The following PCSK6 variants were observed in gnomAD, a reference collection of about 807,000 sequenced individuals.
PCSK6 encodes paired basic amino acid cleaving enzyme 4.
Under a neutral mutation model 123.3 loss-of-function variants are expected in PCSK6, and 85 were observed. The observed-to-expected ratio is 0.69, with a 90% confidence interval of 0.58 to 0.83. The LOEUF (loss-of-function observed/expected upper bound fraction) is 0.83. Ranked by LOEUF, PCSK6 falls within the 40% of genes least tolerant of loss-of-function variation. The pLI, the probability that PCSK6 is intolerant of heterozygous loss-of-function variation, is 0.00. For synonymous variants in PCSK6, 508 were observed against 516.0 expected (o/e 0.98, Z 0.21); for missense variants, 1,191 against 1,282.3 (o/e 0.93, Z 1.09).
intron 6 of PCSK6, among the ~76,000 whole-genome samples, chr15:101,411,485 C>G (rs993005019): frequency 2.0e-5 from 3 of 152,144 alleles, no homozygotes; most frequent in Admixed American, 6.5e-5. Flanking sequence ...TGCCGTCAGA[C>G]CAGACAACCA....
chr15:101,312,602 G>A (rs1024519474), intron 20 of PCSK6, among the ~76,000 whole-genome samples: 1 of 152,186 alleles, frequency 6.6e-6, no homozygotes, highest in African/African-American at 2.4e-5. Flanking sequence ...AGGCTGAGGT[G>A]GGTGGATCAC....
intron 6 of PCSK6, among the ~76,000 whole-genome samples, chr15:101,420,426 T>C (rs28623507): frequency 0.015 from 2,221 of 152,228 alleles, 49 homozygotes; most frequent in African/African-American, 0.05. Context: ...AATGACGCAA[T>C]CATGGCTCAC....
intron 6 of PCSK6, among the ~76,000 whole-genome samples, chr15:101,418,603 C>T (rs1040937248): frequency 6.6e-6 from 1 of 151,140 alleles, no homozygotes; most frequent in Non-Finnish European, 1.5e-5. Context: ...GCCTTTGTCT[C>T]CCAGGTTCAA....
rs75359093 is a variant in PCSK6, at chr15:101,472,895, T to C, written c.297+16479A>G. ...ATCAAAAGAGAAAGTGGAAAGATCC[T>C]CTGGTTAGGTTTGAGAGCTGCCCTT... On this transcript the variant is annotated intron_variant, in intron 1 of 21. Transcript: ENST00000611716. Among the ~76,000 whole-genome samples the C allele has an allele frequency of 2.7e-3, 418 of 152,286 alleles. 1 individual carries two copies. Among genetic ancestry groups the C allele is most frequent in the African/African-American group, 9.5e-3 (394 of 41,554 alleles).
In PCSK6 at chr15:101,439,730, A is replaced by G. The variant is rs142757076; in HGVS notation, c.402+3826T>C. ...AACATTGCATCACTGCTGGAAGGAA[A>G]CCCGAGCTTTGATTAAACTCCGGGG... On this transcript the variant is annotated intron_variant, in intron 2 of 21. Coordinates refer to ENST00000611716, the MANE Select transcript of PCSK6 (RefSeq NM_002570.5). Among the ~76,000 whole-genome samples the G allele has an allele frequency of 1.4e-4, 22 of 152,374 alleles. 1 individual carries two copies. In the East Asian group the frequency reaches 4.2e-3, roughly 29 times the overall value.
In PCSK6 at chr15:101,383,932, G is replaced by T. The variant is rs186011662; in HGVS notation, c.1414+390C>A. On this transcript the variant is annotated intron_variant, in intron 10 of 21. Transcript: ENST00000611716. ...TTTTTTTTTTAAGAGATGGAGTCCT[G>T]CTGTGTTGTCCAGGCTAGACTCAAA... The T allele has an allele frequency of 3.2e-3, 557 of 173,880 alleles. 1 individual carries two copies. Among genetic ancestry groups the T allele is most frequent in the Admixed American group, 6.8e-3 (104 of 15,314 alleles). The allele number at this position is 173,880 out of a possible 1,614,324, so 10.8% of individuals were successfully genotyped here.
chr15:101,337,542 T>C (rs2040509208), intron 13 of PCSK6: 1 of 152,234 alleles, frequency 6.6e-6, no homozygotes, highest in Non-Finnish European at 1.5e-5. Context: ...TTTGGCATAT[T>C]TCCTCCTGGG....
chr15:101,450,496 T>C (rs1240597992), intron 1 of PCSK6, among the ~76,000 whole-genome samples: 1 of 152,142 alleles, frequency 6.6e-6, no homozygotes, highest in African/African-American at 2.4e-5. Context: ...ACACCCTTTG[T>C]CCTCCCTCCC....
chr15:101,390,505 G>C (rs2042202446), intron 8 of PCSK6, among the ~76,000 whole-genome samples: 1 of 152,212 alleles, frequency 6.6e-6, no homozygotes, highest in East Asian at 1.9e-4. Context: ...GGAAGAGGAA[G>C]GCAGCAAGGC....
In PCSK6 at chr15:101,443,589, T is replaced by C. The variant is rs1330121610; in HGVS notation, c.369A>G (p.Arg123=). 1 of 1,613,920 alleles carries C rather than the reference T, an allele frequency of 6.2e-7. No individual in the cohort carries two copies. The highest frequency in any genetic ancestry group is 8.5e-7 in the Non-Finnish European group (1 of 1,179,798). The change falls in exon 2 of 22, where the codon AGA becomes AGG. Residue 123 remains arginine (R), a synonymous_variant. Transcript: ENST00000611716. The part of the protein sequence containing the change: ...KTFKRSTLSS[R]GPHTFLRMDP... ...CCATTCTGAGGAAGGTGTGAGGGCCTCTGCTACTCAAGGTTGATCTTTTAA... is the reference window on the plus strand; with the variant it reads ...CCATTCTGAGGAAGGTGTGAGGGCCCCTGCTACTCAAGGTTGATCTTTTAA...
In PCSK6 at chr15:101,398,586, C is replaced by A. The variant is rs759039949; in HGVS notation, c.824-10G>T. ...TCCAGCATGCGGATGCCTGAAAGCA[C>A]AGAGGAGGCTCGGTGTCGGCGCCCA... On this transcript the variant is annotated splice_polypyrimidine_tract_variant and intron_variant, in intron 6 of 21. Transcript: ENST00000611716. This position sits in a 1 kb window ranked among gnomAD's most constrained non-coding sequence, Gnocchi z 4.6. The A allele has an allele frequency of 2.1e-5, 33 of 1,605,130 alleles. No individual in the cohort carries two copies. The highest frequency in any genetic ancestry group is 2.7e-5 in the Non-Finnish European group (32 of 1,174,538).
intron 17 of PCSK6, among the ~76,000 whole-genome samples, chr15:101,324,311 G>A (rs372693811): frequency 6.6e-6 from 1 of 152,188 alleles, no homozygotes; most frequent in African/African-American, 2.4e-5. Flanking sequence ...CAAACCTTCC[G>A]CCCACATCTG....
chr15:101,337,709 C>T (rs756545194), intron 13 of PCSK6, among the ~76,000 whole-genome samples: 18 of 152,186 alleles, frequency 1.2e-4, no homozygotes, highest in Non-Finnish European at 2.4e-4. Context: ...AGAGGCATCA[C>T]GGGGGCAGGG....
chr15:101,458,010 G>A (rs372139550), intron 1 of PCSK6, among the ~76,000 whole-genome samples: 133 of 152,238 alleles, frequency 8.7e-4, no homozygotes, highest in Admixed American at 1.4e-3. Context: ...CCTCACAGAT[G>A]GTTGCCCGTG....
At chr15:101,306,826 C>T (rs952075190) in intron 21 of PCSK6, among the ~76,000 whole-genome samples, 4 of 152,240 alleles carry the variant, frequency 2.6e-5, no homozygotes, top group Non-Finnish European at 5.9e-5. Flanking sequence ...TCGTCCTGAG[C>T]AGAGACCCTC....
chr15:101,355,163 A>C (rs1391953281), intron 13 of PCSK6, among the ~76,000 whole-genome samples: 1 of 152,268 alleles, frequency 6.6e-6, no homozygotes, highest in African/African-American at 2.4e-5. Flanking sequence ...CAGAGAAAAA[A>C]GAAATTTTAA....
At chr15:101,408,671 C>T (rs1216481623) in intron 6 of PCSK6, among the ~76,000 whole-genome samples, 1 of 152,186 alleles carries the variant, frequency 6.6e-6, no homozygotes, top group East Asian at 1.9e-4. Context: ...TCCCCCCAAG[C>T]CCCCCAGTGC....
chr15:101,484,911 C>T (rs1176001247), intron 1 of PCSK6, among the ~76,000 whole-genome samples: 2 of 152,148 alleles, frequency 1.3e-5, no homozygotes, highest in Non-Finnish European at 2.9e-5. Context: ...TAAAAAAACG[C>T]CTGCATGGAC....
intron 11 of PCSK6, among the ~76,000 whole-genome samples, chr15:101,376,702 A>T (rs1196951014): frequency 1.3e-5 from 2 of 152,254 alleles, no homozygotes; most frequent in East Asian, 3.8e-4. Flanking sequence ...CTTCAAAACT[A>T]AGCCAGGAAG....
Sources: gnomAD v4.1 joint callset for allele counts (sites outside exome capture counted in the v4.1 genomes callset) on GRCh38, gnomAD v4.1.1 for gene constraint, Gnocchi (gnomAD v3.1) non-coding constraint, MANE v1.5 for transcripts, NCBI Gene and HGNC (gene_info 2026-07-23, HGNC 2026-07-21) for gene names.